Variants in STS observed in about 807,000 individuals in gnomAD.
STS encodes steroid sulfatase, also known as steryl-sulfatase.
A neutral mutation model predicts 26.8 loss-of-function variants in STS; 7 were observed. The observed-to-expected ratio is 0.26, with a 90% CI of 0.15 to 0.49. The LOEUF (loss-of-function observed/expected upper bound fraction) is 0.49. STS is among the 20% of genes least tolerant of loss of function. The pLI, the probability that STS is intolerant of heterozygous loss-of-function variation, is 0.98. For synonymous variants in STS, 199 were observed against 189.4 expected (o/e 1.05, Z -0.42); for missense variants, 434 against 465.6 (o/e 0.93, Z 0.63).
At chrX:7,195,438 A>C (rs551416345) in intron 2 of STS, among the ~76,000 whole-genome samples, 1 of 112,015 alleles carries the variant, frequency 8.9e-6, no homozygotes, top group South Asian at 3.7e-4. Flanking sequence ...GGCTCTGTGG[A>C]CCTGTGAATT....
intron 2 of STS, among the ~76,000 whole-genome samples, chrX:7,197,794 C>G (rs1426427114): frequency 9.0e-6 from 1 of 111,032 alleles, no homozygotes. Flanking sequence ...CCAGCAAGTT[C>G]CAGCCTCATT....
chrX:7,173,596 G>C (rs778089586), intron 1 of STS, among the ~76,000 whole-genome samples: 14 of 112,104 alleles, frequency 1.2e-4, no homozygotes, highest in Non-Finnish European at 2.3e-4. Context: ...AACCTTGCCA[G>C]CATCTGTTGT....
chrX:7,192,421 C>T (rs1408133912), intron 2 of STS, among the ~76,000 whole-genome samples: 2 of 111,674 alleles, frequency 1.8e-5, no homozygotes, highest in Non-Finnish European at 3.8e-5. Context: ...AAGATTAGCC[C>T]GGCATTGTGC....
At chrX:7,332,892 A>G (rs756974980) in intron 9 of STS, among the ~76,000 whole-genome samples, 6 of 112,032 alleles carry the variant, frequency 5.4e-5, no homozygotes, top group Non-Finnish European at 9.4e-5. Flanking sequence ...ACTTATGATA[A>G]TAGAATATTT....
At chrX:7,192,268 A>C (rs1342596967) in intron 2 of STS, among the ~76,000 whole-genome samples, 6 of 111,987 alleles carry the variant, frequency 5.4e-5, no homozygotes, top group Non-Finnish European at 9.4e-5. Flanking sequence ...CCTTTGTAAA[A>C]AGCGACTTAA....
chrX:7,214,494 T>A (rs1343065301), intron 2 of STS, among the ~76,000 whole-genome samples: 1 of 112,223 alleles, frequency 8.9e-6, no homozygotes, highest in African/African-American at 3.2e-5. Flanking sequence ...TCTTCCCTTG[T>A]GGAATGAAAG....
rs755466087 is a variant in STS, at chrX:7,219,489, G to A, written c.-5+28481G>A. On this transcript the variant is annotated intron_variant, in intron 2 of 10. Transcript: ENST00000674429. ...GTTGGCCAAGCCTCCAGCAGCTGAC[G>A]GGACCCAGCTGTAGTGAGGTTGCAG... is the stretch of plus-strand genomic sequence containing the variant. 5.2e-5 allele frequency: 59 copies of A among 1,124,554 alleles called. No homozygotes were observed. In the Middle Eastern group the frequency reaches 1.0e-3, roughly 20 times the overall value. The allele number at this position is 1,124,554 out of a possible 1,213,427, so 92.7% of individuals were successfully genotyped here. A position where few individuals can be genotyped will look rare whatever the true frequency, so the allele number is the denominator to read the frequency against.
chrX:7,324,299 TG>T (rs1214477847), intron 8 of STS, among the ~76,000 whole-genome samples: 1 of 110,557 alleles, frequency 9.0e-6, no homozygotes, highest in African/African-American at 3.3e-5. Flanking sequence ...AAGGGGGTTG[TG>T]GAGGCCAAGG....
chrX:7,277,288 A>G (rs1924588187), intron 7 of STS, among the ~76,000 whole-genome samples: 1 of 111,289 alleles, frequency 9.0e-6, no homozygotes, highest in African/African-American at 3.3e-5. Context: ...TCTCTCTCTC[A>G]TTCTTCCTTC....
intron 8 of STS, among the ~76,000 whole-genome samples, chrX:7,310,953 A>T (rs1160223623): frequency 9.0e-6 from 1 of 111,660 alleles, no homozygotes; most frequent in African/African-American, 3.3e-5. Flanking sequence ...GCCCAAGCCC[A>T]CACATGCCCA....
chrX:7,198,657 A>G (rs1934015344), intron 2 of STS, among the ~76,000 whole-genome samples: 1 of 112,537 alleles, frequency 8.9e-6, no homozygotes, highest in Non-Finnish European at 1.9e-5. Context: ...GTGTTCAGGA[A>G]TGAACGAGGG....
At chrX:7,264,994 C>A (rs140723599) in intron 6 of STS, among the ~76,000 whole-genome samples, 43 of 106,326 alleles carry the variant, frequency 4.0e-4, no homozygotes, top group African/African-American at 1.5e-3. Flanking sequence ...GGGTGATTGC[C>A]CTAATATTTT....
At chrX:7,234,940 T>A (rs1922243572) in intron 2 of STS, among the ~76,000 whole-genome samples, 2 of 111,952 alleles carry the variant, frequency 1.8e-5, no homozygotes, top group Admixed American at 1.9e-4. Context: ...CCCACCATCA[T>A]GAACCATTTG....
intron 2 of STS, among the ~76,000 whole-genome samples, chrX:7,237,059 C>T (rs1601675163): frequency 9.1e-6 from 1 of 110,239 alleles, no homozygotes; most frequent in Admixed American, 9.8e-5. Flanking sequence ...GAGGGAGATC[C>T]TTTTATTTTT....
chrX:7,345,376 T>C (rs188038351), intron 10 of STS, among the ~76,000 whole-genome samples: 35 of 111,630 alleles, frequency 3.1e-4, no homozygotes, highest in African/African-American at 1.0e-3. Flanking sequence ...TCTTTTAATC[T>C]ATAACCAAGA....
intron 2 of STS, among the ~76,000 whole-genome samples, chrX:7,221,951 C>T (rs1021242445): frequency 3.6e-5 from 4 of 111,194 alleles, no homozygotes; most frequent in African/African-American, 6.5e-5. Context: ...TGGTATTTGG[C>T]GGTGGGGCTT....
intron 1 of STS, among the ~76,000 whole-genome samples, chrX:7,155,456 T>G (rs1022728037): frequency 3.6e-5 from 4 of 111,852 alleles, no homozygotes; most frequent in Non-Finnish European, 7.5e-5. Context: ...GTACCTCAAA[T>G]AGTTAAGATT....
intron 8 of STS, among the ~76,000 whole-genome samples, chrX:7,314,460 G>A (rs1385971314): frequency 8.9e-6 from 1 of 112,276 alleles, no homozygotes; most frequent in Non-Finnish European, 1.9e-5. Context: ...CTGGGAGTAG[G>A]GACCAGACAG....
intron 1 of STS, among the ~76,000 whole-genome samples, chrX:7,186,439 A>G (rs1933773613): frequency 9.0e-6 from 1 of 111,255 alleles, no homozygotes; most frequent in South Asian, 3.9e-4. Flanking sequence ...CATGGAGGAG[A>G]CCACGAGTGT....
Sources: gnomAD v4.1 joint callset for allele counts (sites outside exome capture counted in the v4.1 genomes callset) on GRCh38, gnomAD v4.1.1 for gene constraint, MANE v1.5 for transcripts, NCBI Gene and HGNC (gene_info 2026-07-23, HGNC 2026-07-21) for gene names.